Variants in NUMB observed in about 807,000 individuals in gnomAD.
NUMB encodes NUMB endocytic adaptor protein, also known as protein numb homolog.
Under a neutral mutation model 59.7 loss-of-function variants are expected in NUMB, and 29 were observed. The ratio of observed to expected loss-of-function variants is 0.49; its 90% CI spans 0.36 to 0.66. The LOEUF (loss-of-function observed/expected upper bound fraction) is 0.66. Ranked by LOEUF, NUMB falls within the 30% of genes least tolerant of loss-of-function variation. The pLI is 0.00. For missense variants in NUMB, 723 were observed against 822.0 expected, an observed-to-expected ratio of 0.88 and a Z score of 1.47; for synonymous variants, 288 against 288.2, an observed-to-expected ratio of 1.00 and a Z score of 0.01.
At chr14:73,383,813 C>T (rs866284874) in intron 2 of NUMB, among the ~76,000 whole-genome samples, 58 of 152,062 alleles carry the variant, frequency 3.8e-4, no homozygotes, top group African/African-American at 1.3e-3. Context: ...GTCAGGAGTT[C>T]GAGACCAGCC....
intron 2 of NUMB, among the ~76,000 whole-genome samples, chr14:73,382,829 G>GA (rs1282369004): frequency 6.6e-6 from 1 of 152,134 alleles, no homozygotes; most frequent in East Asian, 1.9e-4. Flanking sequence ...AAAATCAAGA[G>GA]AAAAAAAGAA....
chr14:73,343,482 G>T (rs186381573), intron 4 of NUMB, among the ~76,000 whole-genome samples: 1 of 152,130 alleles, frequency 6.6e-6, no homozygotes, highest in African/African-American at 2.4e-5. Context: ...CAGCTTCCCC[G>T]CTGGAAGAAC....
At chr14:73,421,163 GT>G (rs1042056193) in intron 1 of NUMB, among the ~76,000 whole-genome samples, 9 of 150,902 alleles carry the variant, frequency 6.0e-5, no homozygotes, top group African/African-American at 1.2e-4. Context: ...GAAAAGGAAA[GT>G]TTTTTTTTGG....
intron 8 of NUMB, among the ~76,000 whole-genome samples, chr14:73,289,081 C>A (rs759820673): frequency 2.0e-4 from 30 of 152,076 alleles, no homozygotes; most frequent in Non-Finnish European, 4.1e-4. Flanking sequence ...GCTGTCTCCC[C>A]TTTCTGAATC....
At chr14:73,393,479 A>G (rs983926658) in intron 2 of NUMB, among the ~76,000 whole-genome samples, 3 of 152,230 alleles carry the variant, frequency 2.0e-5, no homozygotes, top group Non-Finnish European at 2.9e-5. Context: ...AAGGCTGTAT[A>G]AATCTGGAAG....
intron 2 of NUMB, among the ~76,000 whole-genome samples, chr14:73,372,889 G>A (rs1224480292): frequency 6.6e-6 from 1 of 151,958 alleles, no homozygotes; most frequent in Non-Finnish European, 1.5e-5. Flanking sequence ...TTCACCTTGA[G>A]TTTAAGAGTA....
intron 3 of NUMB, among the ~76,000 whole-genome samples, chr14:73,356,086 T>C (rs918447873): frequency 2.0e-5 from 3 of 152,182 alleles, no homozygotes; most frequent in African/African-American, 4.8e-5. Flanking sequence ...ACTTTAGTTA[T>C]AACAAAGCAA....
At chr14:73,430,944 CA>C (rs202099636) in intron 1 of NUMB, among the ~76,000 whole-genome samples, 113 of 139,310 alleles carry the variant, frequency 8.1e-4, no homozygotes, top group African/African-American at 7.8e-4. Flanking sequence ...GACTCCATCT[CA>C]AAAAAAAAAA....
chr14:73,304,905 T>C (rs1418998788), intron 6 of NUMB, among the ~76,000 whole-genome samples: 1 of 151,954 alleles, frequency 6.6e-6, no homozygotes, highest in Admixed American at 6.6e-5. Flanking sequence ...GGATTACAGG[T>C]GCCTGCCACC....
chr14:73,279,391 G>A lies in NUMB; in HGVS notation c.1130C>T (p.Ala377Val), dbSNP rs148278687. The A allele has an allele frequency of 2.2e-5, 35 of 1,601,832 alleles. No homozygotes were observed. In the Admixed American group the frequency reaches 4.5e-4, roughly 21 times the overall value. Residue 377 changes from alanine (A) to valine (V), a missense_variant, in exon 12 of 13, where the codon GCT becomes GTT. By Grantham distance (64) the Ala-to-Val change is moderately conservative. Coordinates refer to ENST00000555238, the MANE Select transcript of NUMB (RefSeq NM_001005743.2). ...NGTDSAFHVL[A>V]KPAHTALAPV... ...TGCTAGAGCAGTATGGGCTGGCTTA[G>A]CAAGCACATGGAAGGCTGAGTCAGT...
At chr14:73,282,605 T>C in intron 10 of NUMB, 100 bp from the exon 11 acceptor site, 2 of 1,274,718 alleles carry the variant, frequency 1.6e-6, no homozygotes, top group East Asian at 2.5e-5. Flanking sequence ...ATCTCCTGCT[T>C]ATGTAAGAAA....
chr14:73,419,522 A>G (rs1897272851), intron 1 of NUMB, among the ~76,000 whole-genome samples: 1 of 152,178 alleles, frequency 6.6e-6, no homozygotes, highest in East Asian at 1.9e-4. Flanking sequence ...ATAAATAAAT[A>G]AATAAATGAA....
chr14:73,418,202 T>C (rs72736359), intron 1 of NUMB, among the ~76,000 whole-genome samples: 2,078 of 152,054 alleles, frequency 0.014, 61 homozygotes, highest in Non-Finnish European at 0.014. Context: ...ACCTTGAAAA[T>C]TGTGCTAAGT....
In NUMB at chr14:73,313,379, G is replaced by A. The variant is rs986157517; in HGVS notation, c.234+3011C>T. Among the ~76,000 whole-genome samples, 77 of 151,926 alleles carry A rather than the reference G, an allele frequency of 5.1e-4. 7 individuals carry two copies. The highest frequency in any genetic ancestry group is 6.5e-5 in the Admixed American group (1 of 15,268). On this transcript the variant is annotated intron_variant, in intron 6 of 12. Coordinates refer to ENST00000555238, the MANE Select transcript of NUMB (RefSeq NM_001005743.2). ...AGCATATAAATTCAAAGTAGGGAATGATGGTAATGTCAAACAACCACAGAC... is the reference window on the plus strand; with the variant it reads ...AGCATATAAATTCAAAGTAGGGAATAATGGTAATGTCAAACAACCACAGAC...
intron 11 of NUMB, 200 bp downstream of exon 11, chr14:73,282,155 GACAA>G: frequency 2.0e-6 from 1 of 495,152 alleles, no homozygotes; most frequent in East Asian, 3.2e-5. Context: ...CATGCAGAAT[GACAA>G]ACACAGACAT....
At chr14:73,350,695 C>CT (rs71112733) in intron 4 of NUMB, among the ~76,000 whole-genome samples, 101,764 of 133,660 alleles carry the variant, frequency 0.76, 38,918 homozygotes, top group African/African-American at 0.86. Flanking sequence ...CCACATCTAG[C>CT]TTTTTTTTTT....
At chr14:73,299,121 C>A (rs956633132) in intron 6 of NUMB, 2 of 152,052 alleles carry the variant, frequency 1.3e-5, no homozygotes, top group African/African-American at 4.8e-5. Flanking sequence ...AACAGCAGTA[C>A]AGGACATGGA....
At chr14:73,381,088 C>T (rs12879951) in intron 2 of NUMB, among the ~76,000 whole-genome samples, 35,607 of 151,990 alleles carry the variant, frequency 0.23, 4,221 homozygotes, top group Non-Finnish European at 0.25. Context: ...CAAGAAAATT[C>T]AGGTTCAGAG....
At chr14:73,415,978 G>A (rs773059953) in intron 1 of NUMB, among the ~76,000 whole-genome samples, 48 of 152,158 alleles carry the variant, frequency 3.2e-4, no homozygotes, top group Non-Finnish European at 4.4e-4. Flanking sequence ...GGAAATGCTG[G>A]CACTTCACAG....
Sources: gnomAD v4.1 joint callset for allele counts (sites outside exome capture counted in the v4.1 genomes callset) on GRCh38, gnomAD v4.1.1 for gene constraint, MANE v1.5 for transcripts, NCBI Gene and HGNC (gene_info 2026-07-23, HGNC 2026-07-21) for gene names.